GCA: variants seen among roughly 807,000 people sequenced by gnomAD.
GCA encodes the protein grancalcin, EF-hand calcium-binding protein.
A neutral mutation model predicts 32.6 loss-of-function variants in GCA; 30 were observed. The observed-to-expected ratio is 0.92, with a 90% CI of 0.69 to 1.25. The LOEUF (loss-of-function observed/expected upper bound fraction) is 1.25. GCA is among the 50% of genes most tolerant of loss of function. The pLI, the probability that GCA is intolerant of heterozygous loss-of-function variation, is 0.00. For missense variants in GCA, 291 were observed against 266.8 expected, an observed-to-expected ratio of 1.09 and a Z score of -0.63; for synonymous variants, 102 against 84.6, an observed-to-expected ratio of 1.21 and a Z score of -1.13.
downstream of GCA, chr2:162,373,360 G>T: frequency 1.5e-6 from 1 of 673,014 alleles, no homozygotes; most frequent in Non-Finnish European, 2.3e-6. Context: ...TAGAAACAGA[G>T]ATAGGGACAG....
At chr2:162,341,506 C>T (rs1426884375), upstream of GCA, among the ~76,000 whole-genome samples, 1 of 151,806 alleles carries the variant, frequency 6.6e-6, no homozygotes, top group Admixed American at 6.6e-5. Flanking sequence ...AAGACCAATG[C>T]CACCAAGATT....
chr2:162,362,143 C>G lies in GCA; in HGVS notation c.*1900C>G, dbSNP rs1460641149. The G allele has an allele frequency of 1.0e-6, 1 of 984,478 alleles. No individual in the cohort carries two copies. Among genetic ancestry groups the G allele is most frequent in the Non-Finnish European group, 1.2e-6 (1 of 829,320 alleles). 61.0% of individuals were successfully genotyped at this position (984,478 alleles called of 1,614,324 possible). ...ATGGCCAAACATATTTAGAAACTCT[C>G]ACTTTCTAAAGCTTGACAAGGTATA... On this transcript the variant is annotated 3_prime_UTR_variant, in exon 8 of 8. Transcript: ENST00000437150.
chr2:162,347,506 T>A (rs1684767880), intron 1 of GCA, 72 bp from the exon 2 acceptor site: 1 of 953,508 alleles, frequency 1.0e-6, no homozygotes, highest in South Asian at 2.5e-5. Context: ...TCTAATAATT[T>A]CTTTTAATCC....
intron 5 of GCA, among the ~76,000 whole-genome samples, chr2:162,358,824 T>G (rs1002389814): frequency 9.9e-5 from 15 of 151,466 alleles, no homozygotes; most frequent in African/African-American, 3.4e-4. Context: ...TTCCTTAGCT[T>G]TGACTTTATT....
intron 2 of GCA, among the ~76,000 whole-genome samples, chr2:162,351,457 G>A (rs1296138141): frequency 6.6e-6 from 1 of 152,188 alleles, no homozygotes; most frequent in African/African-American, 2.4e-5. Flanking sequence ...ACCTAATTCA[G>A]TTAAGGGAAG....
chr2:162,350,129 C>T (rs1237614205), intron 2 of GCA, among the ~76,000 whole-genome samples: 3 of 152,124 alleles, frequency 2.0e-5, no homozygotes, highest in African/African-American at 4.8e-5. Context: ...AGCCATGTGC[C>T]GTAGGACTGA....
At chr2:162,336,729 A>C (rs969586036) in intron 1 of GCA, among the ~76,000 whole-genome samples, 1 of 152,208 alleles carries the variant, frequency 6.6e-6, no homozygotes, top group African/African-American at 2.4e-5. Flanking sequence ...ATTCAGTATA[A>C]TTACTCTATA....
rs1558895404 is a variant in GCA at position 162,347,864 on chromosome 2, A to T, written c.192+122A>T. The T allele has an allele frequency of 7.9e-6, 4 of 503,846 alleles. No individual in the cohort carries two copies. The East Asian group carries it at 1.3e-4, about 17-fold the overall frequency. 31.2% of individuals were successfully genotyped at this position (503,846 alleles called of 1,614,324 possible). A position where few individuals can be genotyped will look rare whatever the true frequency, so the allele number is the denominator to read the frequency against. On this transcript the variant is annotated intron_variant, in intron 2 of 7. Coordinates refer to ENST00000437150, the MANE Select transcript of GCA (RefSeq NM_012198.5). Reference sequence around the variant, plus strand: ...TTATATTTTATATGTATCTAGACTAATTTTTTTCCTGAGATCAGAGATGAG... The same window carrying T: ...TTATATTTTATATGTATCTAGACTATTTTTTTTCCTGAGATCAGAGATGAG...
chr2:162,322,385 C>CTTTATTTA (rs748062506), intron 1 of GCA, among the ~76,000 whole-genome samples: 107 of 148,952 alleles, frequency 7.2e-4, no homozygotes, highest in Non-Finnish European at 9.4e-4. Context: ...TTTTATTTTA[C>CTTTATTTA]TTTATTTATT....
At chr2:162,341,319 A>G (rs1684442576), upstream of GCA, among the ~76,000 whole-genome samples, 1 of 141,960 alleles carries the variant, frequency 7.0e-6, no homozygotes, top group Non-Finnish European at 1.5e-5. Context: ...TGAGGCAAGT[A>G]GGCTCTGGGT....
chr2:162,365,654 T>A (rs1351641257), downstream of GCA, among the ~76,000 whole-genome samples: 1 of 151,664 alleles, frequency 6.6e-6, no homozygotes, highest in East Asian at 1.9e-4. Context: ...TTGAAATGTA[T>A]TATTATTTAA....
chr2:162,339,150 T>C (rs961714120), upstream of GCA, among the ~76,000 whole-genome samples: 1 of 152,202 alleles, frequency 6.6e-6, no homozygotes, highest in Non-Finnish European at 1.5e-5. Context: ...ATTATTTTTC[T>C]TCTGTCCTCA....
upstream of GCA, chr2:162,344,058 C>T (rs1393207092): frequency 4.8e-6 from 3 of 630,016 alleles, no homozygotes; most frequent in East Asian, 2.7e-5. Context: ...GTGTGGGACT[C>T]AGCCAATCGG....
intron 1 of GCA, among the ~76,000 whole-genome samples, chr2:162,333,456 G>T (rs904600488): frequency 6.6e-6 from 1 of 151,994 alleles, no homozygotes; most frequent in South Asian, 2.1e-4. Flanking sequence ...TGTGTTGAGG[G>T]TATATAGATT....
chr2:162,328,146 C>T (rs949290628), intron 1 of GCA, among the ~76,000 whole-genome samples: 1 of 148,434 alleles, frequency 6.7e-6, no homozygotes, highest in Non-Finnish European at 1.5e-5. Context: ...TTTGGTAGGC[C>T]GAGGTGAGTG....
rs1684776501 is a variant in GCA, at chr2:162,347,625, A to T, written c.75A>T (p.Pro25=). 6.2e-7 allele frequency: 1 copy of T among 1,610,558 alleles called. No individual in the cohort carries two copies. The highest frequency in any genetic ancestry group is 1.3e-5 in the African/African-American group (1 of 74,842). ...TGCCAGGAATGCAGATGGGACAGCC[A>T]GTGCCAGAAACAGGCCCAGCTATAC... ...IQVPGMQMGQ[P]VPETGPAILL... The change falls in exon 2 of 8, where the codon CCA becomes CCT. Residue 25 remains proline, a synonymous_variant. Coordinates refer to ENST00000437150, the MANE Select transcript of GCA (RefSeq NM_012198.5).
intron 2 of GCA, among the ~76,000 whole-genome samples, chr2:162,351,656 C>G (rs1216028134): frequency 6.6e-6 from 1 of 152,124 alleles, no homozygotes; most frequent in African/African-American, 2.4e-5. Context: ...CTTGATCCTT[C>G]ATCATAGCTA....
chr2:162,323,448 A>G (rs1267325905), intron 1 of GCA, among the ~76,000 whole-genome samples: 1 of 151,734 alleles, frequency 6.6e-6, no homozygotes, highest in East Asian at 1.9e-4. Context: ...TTTTGTTGCC[A>G]TTGCTTTTGG....
intron 1 of GCA, among the ~76,000 whole-genome samples, chr2:162,331,643 C>G (rs928593824): frequency 1.3e-5 from 2 of 152,164 alleles, no homozygotes; most frequent in African/African-American, 4.8e-5. Flanking sequence ...GGGACCTCAC[C>G]AGATGCTGAA....
Sources: gnomAD v4.1 joint callset for allele counts (sites outside exome capture counted in the v4.1 genomes callset) on GRCh38, gnomAD v4.1.1 for gene constraint, MANE v1.5 for transcripts, NCBI Gene and HGNC (gene_info 2026-07-23, HGNC 2026-07-21) for gene names.